The following PNPLA4 variants were observed in gnomAD, a reference collection of about 807,000 sequenced individuals.
PNPLA4 encodes patatin like domain 4, phospholipase and triacylglycerol lipase.
A neutral mutation model predicts 18.3 loss-of-function variants in PNPLA4; 15 were observed. That is an observed-to-expected ratio of 0.82 (90% CI 0.55 to 1.26). The LOEUF is 1.26. PNPLA4 is among the 50% of genes most tolerant of loss of function. PNPLA4 has a pLI of 0.00. For synonymous variants in PNPLA4, 88 were observed against 85.6 expected, an observed-to-expected ratio of 1.03 and a Z score of -0.16; for missense variants, 229 against 196.8, an observed-to-expected ratio of 1.16 and a Z score of -0.98.
chrX:7,919,015 C>T (rs776914216), intron 4 of PNPLA4, among the ~76,000 whole-genome samples: 6 of 112,308 alleles, frequency 5.3e-5, no homozygotes, highest in East Asian at 2.8e-4. Flanking sequence ...CTCCTAAACA[C>T]GTGGAATGTT....
intron 4 of PNPLA4, among the ~76,000 whole-genome samples, chrX:7,919,318 C>T (rs1225166536): frequency 8.9e-6 from 1 of 112,736 alleles, no homozygotes; most frequent in Non-Finnish European, 1.9e-5. Context: ...TGGGGAAAAT[C>T]CAGGTGTCGG....
chrX:7,925,813 A>G (rs1924374136), intron 2 of PNPLA4, 127 bp downstream of exon 2: 4 of 534,725 alleles, frequency 7.5e-6, no homozygotes, highest in Admixed American at 3.9e-5. Flanking sequence ...GAAAAGTCCT[A>G]ATCCTTTCTG....
intron 2 of PNPLA4, among the ~76,000 whole-genome samples, chrX:7,922,312 T>C (rs183567782): frequency 2.3e-4 from 26 of 112,357 alleles, no homozygotes; most frequent in Admixed American, 1.6e-3. Flanking sequence ...TTTTGTTTTT[T>C]CCTTTGTAAA....
rs2146747423 is a variant in PNPLA4, at chrX:7,899,468, C to T, written c.*1218G>A. The T allele has an allele frequency of 9.1e-6, 1 of 110,375 alleles. No individual in the cohort carries two copies. The highest frequency in any genetic ancestry group is 3.9e-4 in the South Asian group (1 of 2,590). The allele number at this position is 110,375 out of a possible 1,213,427, so 9.1% of individuals were successfully genotyped here. Reference sequence around the variant, plus strand: ...AGTAAAAAACCTGGGATCAGTACAACGTGATTTAAAAATGAGAAGTGAATG... The same window carrying T: ...AGTAAAAAACCTGGGATCAGTACAATGTGATTTAAAAATGAGAAGTGAATG... On this transcript the variant is annotated 3_prime_UTR_variant, in exon 7 of 7. Coordinates refer to ENST00000381042, the MANE Select transcript of PNPLA4 (RefSeq NM_004650.3).
At chrX:7,914,172 T>C (rs188474487) in intron 4 of PNPLA4, among the ~76,000 whole-genome samples, 12 of 112,400 alleles carry the variant, frequency 1.1e-4, no homozygotes, top group African/African-American at 1.6e-4. Flanking sequence ...AAAATGTCAA[T>C]GTGGACATGC....
At chrX:7,906,558 CAG>C (rs1923711540) in intron 5 of PNPLA4, among the ~76,000 whole-genome samples, 1 of 112,037 alleles carries the variant, frequency 8.9e-6, no homozygotes, top group African/African-American at 3.2e-5. Context: ...AAAAATTAAA[CAG>C]ACAGTGCAAA....
At chrX:7,924,215 C>T (rs1924320976) in intron 2 of PNPLA4, among the ~76,000 whole-genome samples, 1 of 111,766 alleles carries the variant, frequency 8.9e-6, no homozygotes, top group African/African-American at 3.3e-5. Flanking sequence ...AATTTGCCTA[C>T]CACTTAAAAT....
chrX:7,903,274 G>GTTTATTTATTTATTTA (rs55848008), intron 5 of PNPLA4, among the ~76,000 whole-genome samples: 3 of 93,028 alleles, frequency 3.2e-5, no homozygotes, highest in Non-Finnish European at 4.3e-5. Context: ...TCCTTCTTGT[G>GTTTATTTATTTATTTA]TTTATTTATT....
intron 5 of PNPLA4, among the ~76,000 whole-genome samples, chrX:7,908,403 A>G (rs1923776320): frequency 8.9e-6 from 1 of 112,659 alleles, no homozygotes; most frequent in South Asian, 3.6e-4. Flanking sequence ...TGTATTCAGC[A>G]CAACTGAAAT....
rs1404080914 is a variant in PNPLA4, at chrX:7,902,107, G to T, written c.512C>A (p.Pro171His). Residue 171 changes from proline to histidine, a missense_variant, in exon 6 of 7, where the codon CCC becomes CAC. Pro to His is a moderately conservative substitution (Grantham distance 77, BLOSUM62 -2). Transcript: ENST00000381042. ...WVDGGLTNAL[P>H]ILPVGRTVTI... ...TACTGTCCGGCCGACGGGCAGGATG[G>T]GAAGAGCGTTGGTGAGGCCTCCGTC... 8.3e-7 allele frequency: 1 copy of T among 1,205,949 alleles called. No individual in the cohort carries two copies. Among genetic ancestry groups the T allele is most frequent in the Non-Finnish European group, 1.1e-6 (1 of 893,533 alleles).
At chrX:7,921,482 A>C (rs1282886032) in intron 4 of PNPLA4, among the ~76,000 whole-genome samples, 1 of 112,041 alleles carries the variant, frequency 8.9e-6, no homozygotes, top group Non-Finnish European at 1.9e-5. Context: ...ATTGCAGGAA[A>C]ACACTGAACA....
At chrX:7,908,379 T>G (rs1032854388) in intron 5 of PNPLA4, among the ~76,000 whole-genome samples, 2 of 112,252 alleles carry the variant, frequency 1.8e-5, no homozygotes, top group African/African-American at 6.5e-5. Context: ...CATGAAAATC[T>G]AGAAAATAAG....
chrX:7,921,520 C>T lies in PNPLA4; in HGVS notation c.411+193G>A, dbSNP rs762515638. Among the ~76,000 whole-genome samples, 3 of 111,980 alleles carry T rather than the reference C, an allele frequency of 2.7e-5. No homozygotes were observed. In the South Asian group the frequency reaches 1.1e-3, roughly 42 times the overall value. ...TACAGGGAGCATTTGGATCACAGTG[C>T]ATCATAAGGCGGCCTCAGGAGGGAT... is the stretch of plus-strand genomic sequence containing the variant. On this transcript the variant is annotated intron_variant, in intron 4 of 6. Coordinates refer to ENST00000381042, the MANE Select transcript of PNPLA4 (RefSeq NM_004650.3).
intron 4 of PNPLA4, among the ~76,000 whole-genome samples, chrX:7,920,135 G>A (rs1263197981): frequency 9.0e-6 from 1 of 111,402 alleles, no homozygotes; most frequent in Non-Finnish European, 1.9e-5. Context: ...AAATCAGGAG[G>A]GATGTGGGGA....
At chrX:7,900,911 C>T in intron 6 of PNPLA4, 94 bp from the exon 7 acceptor site, 1 of 689,501 alleles carries the variant, frequency 1.5e-6, no homozygotes. Flanking sequence ...ATCACAGATA[C>T]AATTAGCAGT....
At chrX:7,910,694 C>T (rs1207572283) in intron 5 of PNPLA4, among the ~76,000 whole-genome samples, 1 of 109,807 alleles carries the variant, frequency 9.1e-6, no homozygotes, top group Non-Finnish European at 1.9e-5. Context: ...TTAAAAAATA[C>T]ATATCTCTGG....
chrX:7,898,315 A>C lies in PNPLA4; in HGVS notation c.*2371T>G, dbSNP rs1808499137. ...AAATTGCCCCCACAGGGAATTGGGA[A>C]TTTATCAAGCTGCCAATCACAGTAA... is the stretch of plus-strand genomic sequence containing the variant. On this transcript the variant is annotated 3_prime_UTR_variant, in exon 7 of 7. Transcript: ENST00000381042. 8.9e-6 allele frequency: 1 copy of C among 111,933 alleles called. No homozygotes were observed. Among genetic ancestry groups the C allele is most frequent in the African/African-American group, 3.2e-5 (1 of 30,803 alleles). The allele number at this position is 111,933 out of a possible 1,213,427, so 9.2% of individuals were successfully genotyped here.
intron 5 of PNPLA4, among the ~76,000 whole-genome samples, chrX:7,908,104 T>C (rs140790508): frequency 9.0e-6 from 1 of 111,408 alleles, no homozygotes; most frequent in African/African-American, 3.3e-5. Context: ...AATGCACATA[T>C]TGGATCCACA....
At chrX:7,914,517 G>A (rs765197665) in intron 4 of PNPLA4, among the ~76,000 whole-genome samples, 19 of 111,911 alleles carry the variant, frequency 1.7e-4, no homozygotes. Context: ...CAGACCCTAG[G>A]TATGTTTCGC....
Sources: gnomAD v4.1 joint callset for allele counts (sites outside exome capture counted in the v4.1 genomes callset) on GRCh38, gnomAD v4.1.1 for gene constraint, MANE v1.5 for transcripts, NCBI Gene and HGNC (gene_info 2026-07-23, HGNC 2026-07-21) for gene names.